The following S100PBP variants were observed in gnomAD, a reference collection of about 807,000 sequenced individuals.
S100PBP encodes the protein S100P-binding protein.
A neutral mutation model predicts 39.9 loss-of-function variants in S100PBP; 15 were observed. The ratio of observed to expected loss-of-function variants is 0.38; its 90% CI spans 0.25 to 0.58. S100PBP has a LOEUF of 0.58. Ranked by LOEUF, S100PBP falls within the 20% of genes least tolerant of loss-of-function variation. S100PBP has a pLI of 0.70. For missense variants in S100PBP, 504 were observed against 487.3 expected (o/e 1.03, Z -0.32); for synonymous variants, 178 against 180.3 (o/e 0.99, Z 0.10).
intron 5 of S100PBP, among the ~76,000 whole-genome samples, chr1:32,839,709 T>C (rs1490530669): frequency 2.0e-5 from 3 of 152,166 alleles, no homozygotes; most frequent in Non-Finnish European, 4.4e-5. Context: ...GGGGTCTCAC[T>C]GTGTTGCTCA....
intron 5 of S100PBP, among the ~76,000 whole-genome samples, chr1:32,842,191 A>AT (rs1640128263): frequency 3.0e-5 from 3 of 98,702 alleles, no homozygotes; most frequent in African/African-American, 1.2e-4. Flanking sequence ...AAAAAAAAAA[A>AT]AAAAAAAAAA....
chr1:32,820,233 G>A (rs1027902374), intron 1 of S100PBP, among the ~76,000 whole-genome samples: 11 of 131,012 alleles, frequency 8.4e-5, no homozygotes, highest in African/African-American at 2.9e-4. Context: ...TGCAACCTCC[G>A]CTTCCTGGGT....
chr1:32,824,340 G>A (rs1302879812), intron 1 of S100PBP, among the ~76,000 whole-genome samples: 3 of 152,078 alleles, frequency 2.0e-5, no homozygotes, highest in Non-Finnish European at 4.4e-5. Flanking sequence ...CAGTATTTAA[G>A]CATTTCTTAT....
chr1:32,829,587 T>C (rs1639498636), intron 4 of S100PBP, among the ~76,000 whole-genome samples: 2 of 152,254 alleles, frequency 1.3e-5, no homozygotes, highest in South Asian at 4.1e-4. Flanking sequence ...CTCAGCCTCC[T>C]GAGTAGCTAG....
At chr1:32,853,188 G>A (rs1640685780) in intron 6 of S100PBP, 22 bp downstream of exon 6, 2 of 1,571,430 alleles carry the variant, frequency 1.3e-6, no homozygotes, top group South Asian at 2.2e-5. Flanking sequence ...ATTAGAAGAA[G>A]ATGGAAAAGG....
Position 32,828,950 on chromosome 1 carries a change from C to T in S100PBP, c.920+869C>T, listed in dbSNP as rs528129173. ...CCAGGGGACAGAGGTTGCACTGAGCCGAGATCATGCCACTGCACACCAGCC... is the reference window on the plus strand; with the variant it reads ...CCAGGGGACAGAGGTTGCACTGAGCTGAGATCATGCCACTGCACACCAGCC... On this transcript the variant is annotated intron_variant, in intron 4 of 6. Coordinates refer to ENST00000373475, the MANE Select transcript of S100PBP (RefSeq NM_022753.4). Among the ~76,000 whole-genome samples, 4 of 152,082 alleles carry T rather than the reference C, an allele frequency of 2.6e-5. No individual in the cohort carries two copies. In the South Asian group the frequency reaches 6.2e-4, roughly 24 times the overall value.
chr1:32,827,036 C>T, intron 3 of S100PBP, 106 bp downstream of exon 3: 1 of 720,176 alleles, frequency 1.4e-6, no homozygotes, highest in Non-Finnish European at 2.3e-6. Context: ...ACAACTTCCC[C>T]TGCTGTGGGC....
intron 5 of S100PBP, among the ~76,000 whole-genome samples, chr1:32,850,242 G>C (rs574136666): frequency 2.0e-5 from 3 of 152,172 alleles, no homozygotes; most frequent in African/African-American, 7.2e-5. Context: ...CATTTTGATG[G>C]ACACAGAATT....
At chr1:32,819,624 A>G (rs1415079357) in intron 1 of S100PBP, among the ~76,000 whole-genome samples, 1 of 152,232 alleles carries the variant, frequency 6.6e-6, no homozygotes, top group Admixed American at 6.5e-5. Context: ...AGGTTACCAG[A>G]CAAGTGCTAA....
At chr1:32,832,482 C>A (rs1639643250) in intron 5 of S100PBP, among the ~76,000 whole-genome samples, 1 of 152,136 alleles carries the variant, frequency 6.6e-6, no homozygotes, top group Non-Finnish European at 1.5e-5. Context: ...TTTTTTTCAG[C>A]ATTACAAATT....
rs186580042 is a variant in S100PBP, at chr1:32,841,180, A to T, written c.1024+11113A>T. Among the ~76,000 whole-genome samples, 28 of 152,020 alleles carry T rather than the reference A, an allele frequency of 1.8e-4. No homozygotes were observed. In the East Asian group the frequency reaches 2.3e-3, roughly 13 times the overall value. On this transcript the variant is annotated intron_variant, in intron 5 of 6. Coordinates refer to ENST00000373475, the MANE Select transcript of S100PBP (RefSeq NM_022753.4). ...CATCTCAAAAAAAAAAAAAATAAAAAAAATTGGATTATTTTCTTATTACTG... is the reference window on the plus strand; with the variant it reads ...CATCTCAAAAAAAAAAAAAATAAAATAAATTGGATTATTTTCTTATTACTG...
chr1:32,822,507 G>A (rs1016614160), intron 1 of S100PBP, among the ~76,000 whole-genome samples: 2 of 151,720 alleles, frequency 1.3e-5, no homozygotes, highest in Non-Finnish European at 2.9e-5. Context: ...CAGCTACTCG[G>A]GAGGCTGAGT....
At position 32,856,102 on chromosome 1, in the gene S100PBP, GTTC is replaced by G; in HGVS notation, c.*67_*69del. On this transcript the variant is annotated 3_prime_UTR_variant, in exon 7 of 7. Transcript: ENST00000373475. ...GGTCCTGCTTGGAGCAGCATTTCATGTTCTTTTGCTGTTTTGTGCTTTGCCGAT... is the reference window on the plus strand; with the variant it reads ...GGTCCTGCTTGGAGCAGCATTTCATGTTTTGCTGTTTTGTGCTTTGCCGAT... 2.8e-6 allele frequency: 3 copies of G among 1,058,566 alleles called. No homozygotes were observed. The allele number at this position is 1,058,566 out of a possible 1,614,324, so 65.6% of individuals were successfully genotyped here.
intron 2 of S100PBP, 21 bp from the exon 3 acceptor site, chr1:32,826,077 A>C (rs1393589914): frequency 1.9e-6 from 3 of 1,543,644 alleles, no homozygotes; most frequent in Non-Finnish European, 2.6e-6. Flanking sequence ...TCCTCAGTGA[A>C]ATTGTCTCTT....
At chr1:32,824,341 C>T (rs1639225351) in intron 1 of S100PBP, among the ~76,000 whole-genome samples, 1 of 152,072 alleles carries the variant, frequency 6.6e-6, no homozygotes, top group South Asian at 2.1e-4. Context: ...AGTATTTAAG[C>T]ATTTCTTATA....
chr1:32,842,236 T>TATATACAC (rs372174677), intron 5 of S100PBP, among the ~76,000 whole-genome samples: 1,029 of 80,822 alleles, frequency 0.013, 11 homozygotes, highest in East Asian at 0.068. Context: ...TATATATATA[T>TATATACAC]ACACACACAC....
At chr1:32,840,210 T>A (rs905030522) in intron 5 of S100PBP, among the ~76,000 whole-genome samples, 14 of 152,118 alleles carry the variant, frequency 9.2e-5, no homozygotes, top group Non-Finnish European at 2.9e-5. Context: ...GGGCTTGAAC[T>A]CCTGACCTCA....
At chr1:32,824,054 C>T (rs779500022) in intron 1 of S100PBP, among the ~76,000 whole-genome samples, 4 of 152,036 alleles carry the variant, frequency 2.6e-5, no homozygotes, top group South Asian at 2.1e-4. Context: ...ACAAATTAGC[C>T]GGGCGTGGTG....
In S100PBP at chr1:32,826,113, G is replaced by A. The variant is rs1258579013; in HGVS notation, c.14G>A (p.Arg5Gln). The A allele has an allele frequency of 4.3e-6, 7 of 1,609,992 alleles. No homozygotes were observed. Among genetic ancestry groups the A allele is most frequent in the South Asian group, 2.2e-5 (2 of 90,660 alleles). MMCS[R>Q]VPSEQSSGTS... ...ATTTCTCCAGAAATGATGTGCTCAC[G>A]GGTGCCCTCTGAACAGTCTTCTGGT... Residue 5 changes from arginine to glutamine, a missense_variant, in exon 3 of 7, where the codon CGG becomes CAG. Arg to Gln is a conservative substitution (Grantham distance 43, BLOSUM62 1). Coordinates refer to ENST00000373475, the MANE Select transcript of S100PBP (RefSeq NM_022753.4).
Sources: gnomAD v4.1 joint callset for allele counts (sites outside exome capture counted in the v4.1 genomes callset) on GRCh38, gnomAD v4.1.1 for gene constraint, MANE v1.5 for transcripts, NCBI Gene and HGNC (gene_info 2026-07-23, HGNC 2026-07-21) for gene names.